SLC9A7: variants seen among roughly 807,000 people sequenced by gnomAD.
SLC9A7 encodes solute carrier family 9 member A7.
A neutral mutation model predicts 52.6 loss-of-function variants in SLC9A7; 19 were observed. That is an observed-to-expected ratio of 0.36 (90% CI 0.25 to 0.53). The LOEUF is 0.53. SLC9A7 is among the 20% of genes least tolerant of loss of function. The pLI is 0.91. For missense variants in SLC9A7, 455 were observed against 597.9 expected (o/e 0.76, Z 2.49); for synonymous variants, 226 against 252.1 (o/e 0.90, Z 0.98).
chrX:46,688,486 A>T lies in SLC9A7; in HGVS notation c.326-5951T>A, dbSNP rs183774387. Reference sequence around the variant, plus strand: ...GTGGCACATGCCTGTAATCCTAGCTACTCAGGAGGCTGAGGCAGGAGAATC... The same window carrying T: ...GTGGCACATGCCTGTAATCCTAGCTTCTCAGGAGGCTGAGGCAGGAGAATC... On this transcript the variant is annotated intron_variant, in intron 1 of 16. Transcript: ENST00000616978. 2.0e-4 allele frequency among the ~76,000 whole-genome samples: 22 copies of T among 109,778 alleles called. No homozygotes were observed. The East Asian group carries it at 5.2e-3, about 26-fold the overall frequency.
At chrX:46,611,082 G>A (rs1274983914) in intron 16 of SLC9A7, among the ~76,000 whole-genome samples, 3 of 111,387 alleles carry the variant, frequency 2.7e-5, no homozygotes, top group Non-Finnish European at 5.6e-5. Context: ...AGTGGGAGAA[G>A]TGGAAATGCC....
intron 1 of SLC9A7, among the ~76,000 whole-genome samples, chrX:46,753,931 A>G (rs1349831434): frequency 2.7e-5 from 3 of 110,045 alleles, no homozygotes; most frequent in African/African-American, 9.9e-5. Flanking sequence ...GCTTGCAGTG[A>G]GCAGAGATCG....
In SLC9A7 at chrX:46,672,773, G is replaced by A. The variant is rs755567851; in HGVS notation, c.604-146C>T. Reference sequence around the variant, plus strand: ...TAACAACTGAAGTTACTCCTATATGGTGTTATTTAACCTTAGACATCATGG... The same window carrying A: ...TAACAACTGAAGTTACTCCTATATGATGTTATTTAACCTTAGACATCATGG... On this transcript the variant is annotated intron_variant, in intron 3 of 16. Coordinates refer to ENST00000616978, the MANE Select transcript of SLC9A7 (RefSeq NM_001257291.2). 9.0e-6 allele frequency: 4 copies of A among 443,455 alleles called. No individual in the cohort carries two copies. The South Asian group carries it at 1.2e-4, about 14-fold the overall frequency. The allele number at this position is 443,455 out of a possible 1,213,427, so 36.5% of individuals were successfully genotyped here.
intron 8 of SLC9A7, among the ~76,000 whole-genome samples, chrX:46,651,739 G>A (rs761390123): frequency 9.3e-6 from 1 of 107,718 alleles, no homozygotes; most frequent in South Asian, 4.1e-4. Context: ...GAGGTGAGAG[G>A]ATCGCTTGAG....
intron 1 of SLC9A7, among the ~76,000 whole-genome samples, chrX:46,733,406 A>T: frequency 8.9e-6 from 1 of 112,179 alleles, no homozygotes; most frequent in Non-Finnish European, 1.9e-5. Context: ...CTAGACAATG[A>T]CTCAAAGCCA....
rs1253925843 is a variant in SLC9A7 at position 46,603,079 on chromosome X, T to A, written c.*3873A>T. 3 of 111,536 alleles carry A rather than the reference T, an allele frequency of 2.7e-5. No homozygotes were observed. In the East Asian group the frequency reaches 8.4e-4, roughly 31 times the overall value. The allele number at this position is 111,536 out of a possible 1,213,427, so 9.2% of individuals were successfully genotyped here. ...GCAAGAAAGGGAGACCAGCCTGCAT[T>A]TCCAGCTTCCTAACACACAAAGAAA... is the stretch of plus-strand genomic sequence containing the variant. On this transcript the variant is annotated 3_prime_UTR_variant, in exon 17 of 17. Coordinates refer to ENST00000616978, the MANE Select transcript of SLC9A7 (RefSeq NM_001257291.2).
chrX:46,612,964 A>AAG lies in SLC9A7; in HGVS notation c.1929+323_1929+324dup, dbSNP rs1307214398. Among the ~76,000 whole-genome samples, 102 of 94,280 alleles carry AAG rather than the reference A, an allele frequency of 1.1e-3. 1 individual carries two copies. Among genetic ancestry groups the AAG allele is most frequent in the East Asian group, 5.4e-3 (16 of 2,983 alleles). The allele number at this position is 94,280 out of a possible 115,157, so 81.9% of individuals were successfully genotyped here. On this transcript the variant is annotated intron_variant, in intron 16 of 16. Coordinates refer to ENST00000616978, the MANE Select transcript of SLC9A7 (RefSeq NM_001257291.2). ...AAAAAAAAAAAAAAAAAAAAAAAAA[A>AAG]AGAGAGAGAGAAAGAACTGAGATGC...
chrX:46,655,367 G>A (rs186850329), intron 7 of SLC9A7, among the ~76,000 whole-genome samples: 2 of 112,109 alleles, frequency 1.8e-5, no homozygotes, highest in East Asian at 5.6e-4. Flanking sequence ...TGGGGGAAGA[G>A]CCAAGATGGC....
intron 15 of SLC9A7, among the ~76,000 whole-genome samples, chrX:46,615,661 T>C (rs1374787833): frequency 1.9e-5 from 2 of 105,109 alleles, no homozygotes; most frequent in Non-Finnish European, 3.9e-5. Context: ...TACATATACA[T>C]ATATATATAT....
chrX:46,613,756 A>T (rs1224570984), intron 15 of SLC9A7, among the ~76,000 whole-genome samples: 1 of 111,717 alleles, frequency 9.0e-6, no homozygotes. Context: ...GAAACAGGAG[A>T]TAGTGTCCCT....
chrX:46,648,618 T>C, intron 11 of SLC9A7, 68 bp downstream of exon 11: 2 of 826,908 alleles, frequency 2.4e-6, no homozygotes, highest in Non-Finnish European at 3.6e-6. Flanking sequence ...CCTTATCAAT[T>C]ACATTTTAAT....
At chrX:46,744,586 G>C (rs1428009967) in intron 1 of SLC9A7, among the ~76,000 whole-genome samples, 1 of 111,777 alleles carries the variant, frequency 8.9e-6, no homozygotes, top group Admixed American at 9.5e-5. Context: ...GATGTTTCTC[G>C]ATCTCTAGCT....
intron 1 of SLC9A7, among the ~76,000 whole-genome samples, chrX:46,687,616 A>G (rs1163052764): frequency 1.8e-5 from 2 of 111,879 alleles, no homozygotes; most frequent in Non-Finnish European, 3.8e-5. Context: ...CAGCTGTGTT[A>G]TTCGTTGATA....
At chrX:46,751,291 A>C (rs889352340) in intron 1 of SLC9A7, among the ~76,000 whole-genome samples, 2 of 110,538 alleles carry the variant, frequency 1.8e-5, no homozygotes, top group African/African-American at 6.6e-5. Context: ...GGTCCATTAC[A>C]TGCGTGAAAA....
intron 1 of SLC9A7, among the ~76,000 whole-genome samples, chrX:46,739,292 T>C (rs766569257): frequency 2.7e-5 from 3 of 111,478 alleles, no homozygotes; most frequent in African/African-American, 6.5e-5. Flanking sequence ...ACAGTTTTTT[T>C]CCTCCCTTCC....
At chrX:46,719,438 TATA>T (rs1288974734) in intron 1 of SLC9A7, among the ~76,000 whole-genome samples, 8 of 110,735 alleles carry the variant, frequency 7.2e-5, no homozygotes, top group Non-Finnish European at 1.5e-4. Flanking sequence ...GAACTTAAAG[TATA>T]ATAAAAAAAA....
At chrX:46,657,181 T>C (rs893471103) in intron 7 of SLC9A7, among the ~76,000 whole-genome samples, 1 of 110,636 alleles carries the variant, frequency 9.0e-6, no homozygotes, top group African/African-American at 3.3e-5. Context: ...CTGAGAGATT[T>C]TGTCACCATC....
intron 1 of SLC9A7, among the ~76,000 whole-genome samples, chrX:46,690,190 C>T (rs1944361697): frequency 8.9e-6 from 1 of 112,094 alleles, no homozygotes; most frequent in South Asian, 3.7e-4. Flanking sequence ...TAACCACTGT[C>T]CCCTACAGCA....
chrX:46,690,668 T>A (rs758231034), intron 1 of SLC9A7, among the ~76,000 whole-genome samples: 3 of 111,966 alleles, frequency 2.7e-5, no homozygotes, highest in Non-Finnish European at 5.6e-5. Context: ...TGGTATCATA[T>A]CTAAAAAACA....
Sources: gnomAD v4.1 joint callset for allele counts (sites outside exome capture counted in the v4.1 genomes callset) on GRCh38, gnomAD v4.1.1 for gene constraint, MANE v1.5 for transcripts, NCBI Gene and HGNC (gene_info 2026-07-23, HGNC 2026-07-21) for gene names.